Variants in ZNF233 observed in about 807,000 individuals in gnomAD.
The protein encoded by ZNF233 is zinc finger protein 233.
Under a neutral mutation model 11.6 loss-of-function variants are expected in ZNF233, and 7 were observed. That is an observed-to-expected ratio of 0.60 (90% CI 0.34 to 1.13). ZNF233 has a LOEUF of 1.13. Among genes scored for constraint, ZNF233 ranks in the 50% most tolerant of loss-of-function variants. ZNF233 has a pLI of 0.03. For missense variants in ZNF233, 711 were observed against 785.5 expected (o/e 0.91, Z 1.13); for synonymous variants, 226 against 268.5 (o/e 0.84, Z 1.55).
At chr19:44,260,566 G>A (rs1367665515) in intron 1 of ZNF233, among the ~76,000 whole-genome samples, 4 of 152,134 alleles carry the variant, frequency 2.6e-5, no homozygotes, top group Admixed American at 2.6e-4. Context: ...TCCCTTTTAA[G>A]GCATGAGTGT....
chr19:44,263,855 G>A (rs1005080307), intron 1 of ZNF233, among the ~76,000 whole-genome samples: 1 of 152,198 alleles, frequency 6.6e-6, no homozygotes, highest in African/African-American at 2.4e-5. Context: ...TCTGCAGCTT[G>A]CAGGGAAATC....
Position 44,274,197 on chromosome 19 carries a change from T to G in ZNF233, c.1537T>G (p.Cys513Gly), listed in dbSNP as rs202166751. The change falls in exon 5 of 5, where the codon TGT becomes GGT. Residue 513 changes from cysteine (C) to glycine (G), a missense_variant. Physicochemically the swap from Cys to Gly is radical, Grantham distance 159. Coordinates refer to ENST00000683810, the MANE Select transcript of ZNF233 (RefSeq NM_001207005.2). ...TGEKPYKCDT[C>G]GKDFSQISHL... Reference sequence around the variant, plus strand: ...AGAGAAACCCTACAAATGTGACACATGTGGGAAGGACTTCAGTCAGATCTC... The same window carrying G: ...AGAGAAACCCTACAAATGTGACACAGGTGGGAAGGACTTCAGTCAGATCTC... The G allele has an allele frequency of 1.2e-5, 20 of 1,613,840 alleles. No homozygotes were observed. The highest frequency in any genetic ancestry group is 1.7e-5 in the Admixed American group (1 of 59,980).
intron 4 of ZNF233, among the ~76,000 whole-genome samples, chr19:44,271,360 G>A (rs1975231631): frequency 6.6e-6 from 1 of 152,152 alleles, no homozygotes. Context: ...TAATCCACTT[G>A]TGAATGCTGA....
intron 1 of ZNF233, among the ~76,000 whole-genome samples, chr19:44,262,782 C>G (rs929375430): frequency 3.3e-5 from 5 of 152,090 alleles, no homozygotes; most frequent in Non-Finnish European, 5.9e-5. Context: ...AGGAAATAGG[C>G]ACAAAGAGCT....
rs372292049 is a variant in ZNF233, at chr19:44,266,299, G to A, written c.117G>A (p.Glu39=). 5 of 1,608,378 alleles carry A rather than the reference G, an allele frequency of 3.1e-6. No individual in the cohort carries two copies. In the African/African-American group the frequency reaches 6.7e-5, roughly 22 times the overall value. Residue 39 remains glutamate (E), a synonymous_variant, in exon 3 of 5, where the codon GAG becomes GAA. Coordinates refer to ENST00000683810, the MANE Select transcript of ZNF233 (RefSeq NM_001207005.2). The part of the protein sequence containing the change: ...QRKLYQDVML[E]NFRNLLSVGY... ...AGCTGTACCAAGATGTGATGCTGGA[G>A]AACTTCAGGAACCTGCTGTCAGTGG...
chr19:44,265,656 G>A (rs531467304), intron 2 of ZNF233, among the ~76,000 whole-genome samples: 2 of 152,122 alleles, frequency 1.3e-5, no homozygotes, highest in African/African-American at 2.4e-5. Context: ...TCCTGACCTC[G>A]TGGTTCACCC....
rs1394914460 is a variant in ZNF233, at chr19:44,274,105, G to C, written c.1445G>C (p.Cys482Ser). The change falls in exon 5 of 5, where the codon TGT becomes TCT. Residue 482 changes from cysteine to serine, a missense_variant. Physicochemically the swap from Cys to Ser is moderately radical, Grantham distance 112. Coordinates refer to ENST00000683810, the MANE Select transcript of ZNF233 (RefSeq NM_001207005.2). The part of the protein sequence containing the change: ...RIHTGEKPYK[C>S]DVCDKNFSRN... ...CACACTGGAGAGAAACCCTACAAAT[G>C]TGATGTGTGTGATAAGAACTTCAGC... 1 of 1,613,834 alleles carries C rather than the reference G, an allele frequency of 6.2e-7. No homozygotes were observed. Among genetic ancestry groups the C allele is most frequent in the African/African-American group, 1.3e-5 (1 of 74,820 alleles).
chr19:44,273,484 T>C lies in ZNF233; in HGVS notation c.824T>C (p.Leu275Pro), dbSNP rs1163713402. Reference sequence around the variant, plus strand: ...TTAAGTGTTGGCTCTAATCTTGAACTTCACCAGCAACTACACTTAAGAGAC... The same window carrying C: ...TTAAGTGTTGGCTCTAATCTTGAACCTCACCAGCAACTACACTTAAGAGAC... The part of the protein sequence containing the change: ...KGLSVGSNLE[L>P]HQQLHLRDKP... The change falls in exon 5 of 5, where the codon CTT becomes CCT. Residue 275 changes from leucine to proline, a missense_variant. Physicochemically the swap from Leu to Pro is moderately conservative, Grantham distance 98 (BLOSUM62 -3). Coordinates refer to ENST00000683810, the MANE Select transcript of ZNF233 (RefSeq NM_001207005.2). The C allele has an allele frequency of 1.9e-6, 3 of 1,614,202 alleles. No individual in the cohort carries two copies. The South Asian group carries it at 3.3e-5, about 18-fold the overall frequency.
chr19:44,269,015 G>C (rs760607705), intron 4 of ZNF233, among the ~76,000 whole-genome samples: 8 of 152,144 alleles, frequency 5.3e-5, no homozygotes, highest in Non-Finnish European at 1.2e-4. Context: ...AGCTGGAGTA[G>C]TAAAATCTTT....
chr19:44,272,891 C>G lies in ZNF233; in HGVS notation c.239-8C>G. 6.7e-7 allele frequency: 1 copy of G among 1,501,300 alleles called. No homozygotes were observed. Among genetic ancestry groups the G allele is most frequent in the Non-Finnish European group, 8.9e-7 (1 of 1,122,106 alleles). The allele number at this position is 1,501,300 out of a possible 1,614,324, so 93.0% of individuals were successfully genotyped here. ...ATTTTCATTTCTGAGTTCTCTTTAT[C>G]ATTCTAGGACACAAGAATCAAAATG... On this transcript the variant is annotated splice_polypyrimidine_tract_variant and splice_region_variant and intron_variant, in intron 4 of 4. Transcript: ENST00000683810.
Position 44,267,008 on chromosome 19 carries a change from T to A in ZNF233, c.238+47T>A, listed in dbSNP as rs138380363. 5.0e-3 allele frequency: 7,286 copies of A among 1,447,646 alleles called. 22 individuals are homozygous for A. Among genetic ancestry groups the A allele is most frequent in the Non-Finnish European group, 5.8e-3 (6,066 of 1,045,918 alleles). The allele number at this position is 1,447,646 out of a possible 1,614,324, so 89.7% of individuals were successfully genotyped here. A position where few individuals can be genotyped will look rare whatever the true frequency, so the allele number is the denominator to read the frequency against. On this transcript the variant is annotated intron_variant, in intron 4 of 4. Transcript: ENST00000683810. ...GTCTTTGCGGGGTACAGCCTAGTCC[T>A]CTCCTCCTCACCACCTCCTCAGCCA... is the stretch of plus-strand genomic sequence containing the variant.
At chr19:44,264,644 G>A (rs961514568) in intron 2 of ZNF233, among the ~76,000 whole-genome samples, 12 of 152,068 alleles carry the variant, frequency 7.9e-5, no homozygotes, top group Non-Finnish European at 4.4e-5. Flanking sequence ...TTACTACATT[G>A]CATACAAATA....
intron 1 of ZNF233, 22 bp from the exon 2 acceptor site, chr19:44,264,292 T>C (rs112545436): frequency 2.6e-6 from 4 of 1,538,386 alleles, no homozygotes; most frequent in African/African-American, 2.7e-5. Context: ...CTGTTTCTCA[T>C]GGCTTCTTTC....
intron 1 of ZNF233, among the ~76,000 whole-genome samples, chr19:44,262,076 G>T (rs938075750): frequency 6.6e-6 from 1 of 152,200 alleles, no homozygotes; most frequent in African/African-American, 2.4e-5. Flanking sequence ...AATAGCCTGA[G>T]AATTTTGTAG....
chr19:44,274,131 C>T lies in ZNF233; in HGVS notation c.1471C>T (p.Arg491Cys), dbSNP rs1449445451. 17 of 1,613,030 alleles carry T rather than the reference C, an allele frequency of 1.1e-5. No homozygotes were observed. The highest frequency in any genetic ancestry group is 1.7e-5 in the Admixed American group (1 of 59,898). The change falls in exon 5 of 5, where the codon CGT (arginine) becomes TGT (cysteine). Residue 491 changes from arginine to cysteine, a missense_variant. Coordinates refer to ENST00000683810, the MANE Select transcript of ZNF233 (RefSeq NM_001207005.2). The part of the protein sequence containing the change: ...KCDVCDKNFS[R>C]NSHLQAHQRV... ...TGATGTGTGTGATAAGAACTTCAGC[C>T]GTAATTCCCACCTTCAGGCCCATCA... is the stretch of plus-strand genomic sequence containing the variant.
chr19:44,270,346 TAAAAAAAAAA>T (rs398034740), intron 4 of ZNF233, among the ~76,000 whole-genome samples: 2 of 72,730 alleles, frequency 2.7e-5, no homozygotes, highest in Admixed American at 3.4e-4. Context: ...CCATCTATAC[TAAAAAAAAAA>T]AAAAAAAAAA....
chr19:44,267,330 T>C, intron 4 of ZNF233: 1 of 399,612 alleles, frequency 2.5e-6, no homozygotes, highest in Non-Finnish European at 4.4e-6. Flanking sequence ...TGCTGTGTGT[T>C]TCTTATACAT....
At position 44,272,885 on chromosome 19, in the gene ZNF233, C is replaced by A. The variant is rs1228533674; in HGVS notation, c.239-14C>A. 1 of 1,496,708 alleles carries A rather than the reference C, an allele frequency of 6.7e-7. No individual in the cohort carries two copies. The highest frequency in any genetic ancestry group is 1.3e-5 in the South Asian group (1 of 75,164). 92.7% of individuals were successfully genotyped at this position (1,496,708 alleles called of 1,614,324 possible). On this transcript the variant is annotated splice_polypyrimidine_tract_variant and intron_variant, in intron 4 of 4. Transcript: ENST00000683810. ...GTCTTCATTTTCATTTCTGAGTTCT[C>A]TTTATCATTCTAGGACACAAGAATC...
rs150188443 is a variant in ZNF233 at position 44,265,903 on chromosome 19, G to A, written c.16-295G>A. Among the ~76,000 whole-genome samples the A allele has an allele frequency of 4.1e-4, 62 of 152,252 alleles. No individual in the cohort carries two copies. In the East Asian group the frequency reaches 9.3e-3, roughly 23 times the overall value. On this transcript the variant is annotated intron_variant, in intron 2 of 4. Transcript: ENST00000683810. ...AGTCAAGTTATAAAATACGTATTCC[G>A]TGTGATTCAAGATTTACAGTGCTGG...
Sources: gnomAD v4.1 joint callset for allele counts (sites outside exome capture counted in the v4.1 genomes callset) on GRCh38, gnomAD v4.1.1 for gene constraint, MANE v1.5 for transcripts, NCBI Gene and HGNC (gene_info 2026-07-23, HGNC 2026-07-21) for gene names.